PRKG1: variants seen among roughly 807,000 people sequenced by gnomAD.
The protein encoded by PRKG1 is protein kinase cGMP-dependent 1, also known as cGMP-dependent protein kinase 1.
PRKG1 carries 35 observed loss-of-function variants against 88.1 expected under a neutral mutation model. The observed-to-expected ratio is 0.40, with a 90% confidence interval of 0.30 to 0.53. The LOEUF (loss-of-function observed/expected upper bound fraction) is 0.53. Ranked by LOEUF, PRKG1 falls within the 20% of genes least tolerant of loss-of-function variation. The pLI is 0.59. For synonymous variants in PRKG1, 303 were observed against 292.5 expected (o/e 1.04, Z -0.37); for missense variants, 540 against 839.8 (o/e 0.64, Z 4.41).
chr10:51,990,335 ATGTTAGGAT>A (rs1844271874), intron 5 of PRKG1, among the ~76,000 whole-genome samples: 1 of 152,062 alleles, frequency 6.6e-6, no homozygotes, highest in South Asian at 2.1e-4. Flanking sequence ...GTTTTGTACA[ATGTTAGGAT>A]TGTTTTTTCC....
intron 8 of PRKG1, among the ~76,000 whole-genome samples, chr10:52,140,830 G>A (rs1207841699): frequency 6.6e-6 from 1 of 151,900 alleles, no homozygotes; most frequent in Non-Finnish European, 1.5e-5. Flanking sequence ...TTTGCCCACC[G>A]AGGTCACCTG....
chr10:51,827,747 A>G (rs894122078), intron 4 of PRKG1, among the ~76,000 whole-genome samples: 5 of 152,156 alleles, frequency 3.3e-5, no homozygotes, highest in Admixed American at 6.6e-5. Flanking sequence ...ATGCCATCTT[A>G]TAGAACAAGG....
At chr10:51,400,054 C>T (rs1588918024) in intron 2 of PRKG1, among the ~76,000 whole-genome samples, 1 of 152,158 alleles carries the variant, frequency 6.6e-6, no homozygotes, top group Non-Finnish European at 1.5e-5. Flanking sequence ...TTTAATTAGC[C>T]AGTCATTGTT....
chr10:51,538,926 G>A (rs918753993), intron 3 of PRKG1, among the ~76,000 whole-genome samples: 3 of 151,348 alleles, frequency 2.0e-5, no homozygotes, highest in African/African-American at 7.3e-5. Flanking sequence ...CAGTAATTGT[G>A]TTTTTTTTCC....
At chr10:51,524,620 C>G (rs1373509920) in intron 3 of PRKG1, among the ~76,000 whole-genome samples, 2 of 152,098 alleles carry the variant, frequency 1.3e-5, no homozygotes, top group African/African-American at 4.8e-5. Flanking sequence ...CTGGAGTTGT[C>G]CCACGGCCAT....
chr10:51,198,082 T>C (rs1005114997), intron 2 of PRKG1, among the ~76,000 whole-genome samples: 4 of 152,108 alleles, frequency 2.6e-5, no homozygotes, highest in Non-Finnish European at 5.9e-5. Context: ...TTATGAAACA[T>C]ATGATTCCCT....
chr10:51,136,338 G>T (rs1845685604), intron 1 of PRKG1, among the ~76,000 whole-genome samples: 1 of 152,016 alleles, frequency 6.6e-6, no homozygotes, highest in Admixed American at 6.6e-5. Flanking sequence ...ACCTATGTAG[G>T]CAAGAATGCT....
intron 5 of PRKG1, among the ~76,000 whole-genome samples, chr10:52,011,042 A>G (rs1564428034): frequency 6.6e-6 from 1 of 152,198 alleles, no homozygotes; most frequent in Admixed American, 6.5e-5. Flanking sequence ...TCTTAGCTCT[A>G]TCATAGCAAG....
intron 1 of PRKG1, among the ~76,000 whole-genome samples, chr10:50,994,763 A>G (rs997835136): frequency 1.3e-5 from 2 of 150,440 alleles, no homozygotes; most frequent in Non-Finnish European, 3.0e-5. Flanking sequence ...CCTTCTATCC[A>G]TGGGTTCCAC....
intron 7 of PRKG1, among the ~76,000 whole-genome samples, chr10:52,102,347 A>G (rs1376563845): frequency 6.6e-6 from 1 of 152,080 alleles, no homozygotes; most frequent in African/African-American, 2.4e-5. Context: ...AAACATCACA[A>G]CCATATGCTG....
rs117010856 is a variant in PRKG1, at chr10:52,079,201, C to T, written c.935+16570C>T. Among the ~76,000 whole-genome samples the T allele has an allele frequency of 9.6e-3, 1,468 of 152,304 alleles. 11 individuals are homozygous for T. Among genetic ancestry groups the T allele is most frequent in the Non-Finnish European group, 0.014 (964 of 68,022 alleles). On this transcript the variant is annotated intron_variant, in intron 7 of 17. Coordinates refer to ENST00000373980, the MANE Select transcript of PRKG1 (RefSeq NM_006258.4). The stretch of plus-strand genomic sequence containing the variant: ...TTGACAGTTCTTCCACAGCATTTCT[C>T]CCATTCATTCATTTATCTCTTTTAA...
intron 3 of PRKG1, among the ~76,000 whole-genome samples, chr10:51,780,272 C>A (rs1838552122): frequency 1.3e-5 from 2 of 152,000 alleles, no homozygotes; most frequent in African/African-American, 4.8e-5. Context: ...GTAGAATTTT[C>A]CTCCTTTCCC....
At chr10:51,225,370 T>A (rs1266138817) in intron 2 of PRKG1, among the ~76,000 whole-genome samples, 1 of 152,170 alleles carries the variant, frequency 6.6e-6, no homozygotes, top group Non-Finnish European at 1.5e-5. Context: ...GGGTTAGGAT[T>A]CCAGCATATG....
intron 2 of PRKG1, among the ~76,000 whole-genome samples, chr10:51,338,364 C>T (rs1373369141): frequency 2.6e-5 from 4 of 152,106 alleles, no homozygotes; most frequent in Admixed American, 1.3e-4. Flanking sequence ...CACACATTTA[C>T]CTACGTAACA....
chr10:51,908,747 T>TTTTTTTA (rs1842148759), intron 5 of PRKG1: 1 of 30,174 alleles, frequency 3.3e-5, no homozygotes, highest in Non-Finnish European at 7.6e-5. Context: ...TTTTTTTTTT[T>TTTTTTTA]GAGACAGTGT....
At chr10:52,080,229 G>A (rs907804004) in intron 7 of PRKG1, among the ~76,000 whole-genome samples, 1 of 152,044 alleles carries the variant, frequency 6.6e-6, no homozygotes, top group Non-Finnish European at 1.5e-5. Flanking sequence ...GCTATTTCAT[G>A]CTGCATCCAA....
At chr10:52,009,429 A>G (rs1844826053) in intron 5 of PRKG1, among the ~76,000 whole-genome samples, 1 of 152,088 alleles carries the variant, frequency 6.6e-6, no homozygotes, top group African/African-American at 2.4e-5. Context: ...CATGACTGCT[A>G]CATAAAGAAT....
At chr10:52,194,915 T>C (rs1839464891) in intron 9 of PRKG1, among the ~76,000 whole-genome samples, 1 of 152,136 alleles carries the variant, frequency 6.6e-6, no homozygotes, top group Non-Finnish European at 1.5e-5. Flanking sequence ...ATGAAATAAT[T>C]AGGGAGACCA....
intron 4 of PRKG1, among the ~76,000 whole-genome samples, chr10:51,892,269 G>A: frequency 6.6e-6 from 1 of 152,126 alleles, no homozygotes; most frequent in East Asian, 1.9e-4. Flanking sequence ...AAGTCATGTA[G>A]TAAAGAGGAT....
Sources: allele counts gnomAD v4.1 joint callset (sites outside exome capture counted in the v4.1 genomes callset), GRCh38; gene constraint gnomAD v4.1.1; transcripts MANE v1.5; gene names NCBI Gene and HGNC (gene_info 2026-07-23, HGNC 2026-07-21).